ANKS1B: variants seen among roughly 807,000 people sequenced by gnomAD.
ANKS1B encodes the protein ankyrin repeat and sterile alpha motif domain containing 1B.
Under a neutral mutation model 148.3 loss-of-function variants are expected in ANKS1B, and 36 were observed. The observed-to-expected ratio is 0.24, with a 90% confidence interval of 0.19 to 0.32. ANKS1B has a LOEUF of 0.32. Among genes scored for constraint, ANKS1B ranks in the 10% least tolerant of loss-of-function variants. The pLI, the probability that ANKS1B is intolerant of heterozygous loss-of-function variation, is 1.00. For missense variants in ANKS1B, 1,157 were observed against 1,542.6 expected (o/e 0.75, Z 4.19); for synonymous variants, 542 against 560.8 (o/e 0.97, Z 0.47).
intron 15 of ANKS1B, among the ~76,000 whole-genome samples, chr12:99,136,252 C>T (rs949556909): frequency 6.6e-6 from 1 of 152,126 alleles, no homozygotes; most frequent in African/African-American, 2.4e-5. Context: ...TTCCCACACC[C>T]CACGAGTTGG....
In ANKS1B at chr12:99,382,697, TAA is replaced by T. The variant is rs398044709; in HGVS notation, c.1756+16932_1756+16933del. 6.8e-3 allele frequency among the ~76,000 whole-genome samples: 559 copies of T among 82,226 alleles called. 2 individuals carry two copies. Among genetic ancestry groups the T allele is most frequent in the South Asian group, 0.037 (66 of 1,800 alleles). 53.9% of individuals were successfully genotyped at this position (82,226 alleles called of 152,430 possible). A position where few individuals can be genotyped will look rare whatever the true frequency, so the allele number is the denominator to read the frequency against. Reference sequence around the variant, plus strand: ...TGGGTTGCAGAGTGGGACTCTGTATTAAAAAAAAAAAAAAAAAAAAAGAGAGA... The same window carrying T: ...TGGGTTGCAGAGTGGGACTCTGTATTAAAAAAAAAAAAAAAAAAAGAGAGA... On this transcript the variant is annotated intron_variant, in intron 12 of 26. Transcript: ENST00000683438.
At chr12:99,185,373 G>A (rs774518794) in intron 14 of ANKS1B, among the ~76,000 whole-genome samples, 19 of 152,196 alleles carry the variant, frequency 1.2e-4, no homozygotes, top group Non-Finnish European at 2.6e-4. Context: ...AAAGAGTATT[G>A]ATAATGTTAA....
intron 25 of ANKS1B, among the ~76,000 whole-genome samples, chr12:98,757,070 T>C (rs1465040886): frequency 6.6e-6 from 1 of 151,974 alleles, no homozygotes. Context: ...AAAAAAGTTC[T>C]TGCTATCCTG....
intron 9 of ANKS1B, among the ~76,000 whole-genome samples, chr12:99,509,342 C>T (rs1374873475): frequency 3.3e-5 from 5 of 151,964 alleles, no homozygotes; most frequent in South Asian, 4.1e-4. Context: ...AAAAGCTAGG[C>T]CTCTTGTGCC....
chr12:99,956,407 A>G (rs1186242891), intron 1 of ANKS1B, among the ~76,000 whole-genome samples: 1 of 152,210 alleles, frequency 6.6e-6, no homozygotes, highest in Non-Finnish European at 1.5e-5. Flanking sequence ...CATCATGTAA[A>G]TGAGAGCCTC....
chr12:99,310,090 G>A (rs1005413273), intron 12 of ANKS1B, among the ~76,000 whole-genome samples: 1 of 152,132 alleles, frequency 6.6e-6, no homozygotes, highest in Non-Finnish European at 1.5e-5. Flanking sequence ...TCATGGATCT[G>A]ATTTAAGAGA....
chr12:99,181,498 A>G (rs1222569400), intron 14 of ANKS1B, among the ~76,000 whole-genome samples: 2 of 152,214 alleles, frequency 1.3e-5, no homozygotes, highest in African/African-American at 4.8e-5. Context: ...TTTTATCTTA[A>G]ATGTATAAGA....
At chr12:99,021,678 G>A (rs2099945897) in intron 17 of ANKS1B, among the ~76,000 whole-genome samples, 2 of 152,186 alleles carry the variant, frequency 1.3e-5, no homozygotes, top group Non-Finnish European at 2.9e-5. Flanking sequence ...TAACCAACCA[G>A]TGTGGACTAG....
intron 11 of ANKS1B, among the ~76,000 whole-genome samples, chr12:99,437,853 C>G (rs2095486397): frequency 6.6e-6 from 1 of 151,788 alleles, no homozygotes; most frequent in Admixed American, 6.6e-5. Context: ...TTTCCTTTTA[C>G]CATCAAACTA....
At chr12:99,700,019 TAG>T (rs1255681808) in intron 8 of ANKS1B, among the ~76,000 whole-genome samples, 3 of 152,214 alleles carry the variant, frequency 2.0e-5, no homozygotes, top group Non-Finnish European at 2.9e-5. Context: ...ATTTTGAGCT[TAG>T]AGAGTTAAAC....
At chr12:99,860,937 T>C (rs2089942905) in intron 1 of ANKS1B, among the ~76,000 whole-genome samples, 1 of 152,180 alleles carries the variant, frequency 6.6e-6, no homozygotes, top group African/African-American at 2.4e-5. Flanking sequence ...TTGAGTCCTA[T>C]GTAAAGAACT....
In ANKS1B at chr12:99,406,005, G is replaced by A. The variant is rs558139917; in HGVS notation, c.1576-6194C>T. Among the ~76,000 whole-genome samples, 12 of 145,052 alleles carry A rather than the reference G, an allele frequency of 8.3e-5. 1 individual carries two copies. The highest frequency in any genetic ancestry group is 2.1e-4 in the South Asian group (1 of 4,746). On this transcript the variant is annotated intron_variant, in intron 11 of 26. Coordinates refer to ENST00000683438, the MANE Select transcript of ANKS1B (RefSeq NM_001352186.2). ...TGATATCATAATTTCAAATATATAC[G>A]CACCCAGATATATAAAGCAAATATT... is the stretch of plus-strand genomic sequence containing the variant.
At chr12:99,876,741 AAAAG>A (rs1428257338) in intron 1 of ANKS1B, among the ~76,000 whole-genome samples, 2 of 149,216 alleles carry the variant, frequency 1.3e-5, no homozygotes, top group Non-Finnish European at 1.5e-5. Flanking sequence ...CAAAAAAAAA[AAAAG>A]AGAGAGAGAG....
At chr12:99,566,825 G>C (rs915814580) in intron 9 of ANKS1B, among the ~76,000 whole-genome samples, 2 of 152,064 alleles carry the variant, frequency 1.3e-5, no homozygotes, top group African/African-American at 4.8e-5. Context: ...CTCTGTCTGT[G>C]GTATTCTGTT....
At chr12:99,543,994 T>C (rs1385578404) in intron 9 of ANKS1B, among the ~76,000 whole-genome samples, 1 of 152,186 alleles carries the variant, frequency 6.6e-6, no homozygotes, top group Non-Finnish European at 1.5e-5. Flanking sequence ...GGGAATGAGA[T>C]ATGGTAGTTG....
intron 17 of ANKS1B, among the ~76,000 whole-genome samples, chr12:98,971,359 A>C (rs2099882964): frequency 6.6e-6 from 1 of 152,272 alleles, no homozygotes; most frequent in South Asian, 2.1e-4. Context: ...AAAGTAACAA[A>C]GTATTTTTTA....
At chr12:98,869,477 C>A (rs960614722) in intron 17 of ANKS1B, among the ~76,000 whole-genome samples, 7 of 152,124 alleles carry the variant, frequency 4.6e-5, no homozygotes, top group African/African-American at 1.7e-4. Flanking sequence ...GATGGAGTTA[C>A]AACCCGAAGA....
intron 17 of ANKS1B, among the ~76,000 whole-genome samples, chr12:98,976,207 T>C (rs1555563777): frequency 6.6e-6 from 1 of 152,108 alleles, no homozygotes; most frequent in Non-Finnish European, 1.5e-5. Flanking sequence ...AGGAACTAAT[T>C]CCTAAAGCTG....
chr12:99,317,943 T>C (rs1000123982), intron 12 of ANKS1B, among the ~76,000 whole-genome samples: 8 of 152,210 alleles, frequency 5.3e-5, no homozygotes, highest in African/African-American at 1.9e-4. Flanking sequence ...TTGTCTTTGG[T>C]TCTGTTTATA....
Sources: allele counts gnomAD v4.1 joint callset (sites outside exome capture counted in the v4.1 genomes callset), GRCh38; gene constraint gnomAD v4.1.1; transcripts MANE v1.5; gene names NCBI Gene and HGNC (gene_info 2026-07-23, HGNC 2026-07-21).